ASH1L: variants seen among roughly 807,000 people sequenced by gnomAD.
ASH1L encodes ASH1 like histone lysine methyltransferase, also known as histone-lysine N-methyltransferase ASH1L.
A neutral mutation model predicts 269.0 loss-of-function variants in ASH1L; 23 were observed. The observed-to-expected ratio is 0.09, with a 90% CI of 0.06 to 0.12. The LOEUF is 0.12. Ranked by LOEUF, ASH1L falls within the 10% of genes least tolerant of loss-of-function variation. The pLI, the probability that ASH1L is intolerant of heterozygous loss-of-function variation, is 1.00. For synonymous variants in ASH1L, 1,187 were observed against 1,253.5 expected, an observed-to-expected ratio of 0.95 and a Z score of 1.12; for missense variants, 2,912 against 3,567.8, an observed-to-expected ratio of 0.82 and a Z score of 4.68.
Position 155,434,826 on chromosome 1 carries a change from G to A in ASH1L, c.5828+3501C>T, listed in dbSNP as rs1262461002. ...AGATTGTGCCACTGTATACCAGCCT[G>A]GGCGACAGAGCGAGACTCCGTCTCA... is the stretch of plus-strand genomic sequence containing the variant. On this transcript the variant is annotated intron_variant, in intron 5 of 27. Coordinates refer to ENST00000392403, the MANE Select transcript of ASH1L (RefSeq NM_018489.3). Among the ~76,000 whole-genome samples, 4 of 152,130 alleles carry A rather than the reference G, an allele frequency of 2.6e-5. No homozygotes were observed. In the East Asian group the frequency reaches 7.7e-4, roughly 29 times the overall value.
intron 2 of ASH1L, among the ~76,000 whole-genome samples, chr1:155,491,271 C>A (rs1274571295): frequency 9.2e-5 from 14 of 152,062 alleles, no homozygotes; most frequent in Admixed American, 6.6e-5. Flanking sequence ...AAATCTTAAA[C>A]AAAAGGTTTT....
At chr1:155,507,382 A>T (rs1667884067) in intron 2 of ASH1L, among the ~76,000 whole-genome samples, 1 of 152,234 alleles carries the variant, frequency 6.6e-6, no homozygotes, top group Non-Finnish European at 1.5e-5. Context: ...TCTAAACAGA[A>T]AACCATTTTT....
chr1:155,486,588 T>G (rs1422011515), intron 2 of ASH1L, among the ~76,000 whole-genome samples: 1 of 152,088 alleles, frequency 6.6e-6, no homozygotes, highest in African/African-American at 2.4e-5. Context: ...AGGGGATGAA[T>G]ACCTCATTCT....
chr1:155,465,556 G>A (rs1337019838), intron 3 of ASH1L, among the ~76,000 whole-genome samples: 1 of 152,142 alleles, frequency 6.6e-6, no homozygotes, highest in Non-Finnish European at 1.5e-5. Context: ...AGAATGCTAT[G>A]CAGTAGTCAG....
At chr1:155,562,841 C>A (rs958371395), upstream of ASH1L, 3 of 501,570 alleles carry the variant, frequency 6.0e-6, no homozygotes, top group African/African-American at 3.9e-5. Flanking sequence ...TCTCCTCCCC[C>A]CCCTTCCCCG....
At chr1:155,442,460 T>G (rs993886715) in intron 4 of ASH1L, among the ~76,000 whole-genome samples, 9 of 151,618 alleles carry the variant, frequency 5.9e-5, no homozygotes, top group Non-Finnish European at 8.8e-5. Context: ...GCAGGCGCCT[T>G]TAATCCCAGC....
intron 12 of ASH1L, among the ~76,000 whole-genome samples, chr1:155,366,951 C>T (rs1655482069): frequency 6.8e-6 from 1 of 147,996 alleles, no homozygotes; most frequent in Non-Finnish European, 1.5e-5. Context: ...GCTGAGATTA[C>T]AGGCGTGAGC....
Position 155,343,422 on chromosome 1 carries a change from G to A in ASH1L, c.8185C>T (p.Arg2729Cys). 3 of 1,614,148 alleles carry A rather than the reference G, an allele frequency of 1.9e-6. No individual in the cohort carries two copies. Among genetic ancestry groups the A allele is most frequent in the Non-Finnish European group, 1.7e-6 (2 of 1,180,034 alleles). The change falls in exon 24 of 28, where the codon CGT becomes TGT. Residue 2729 changes from arginine (R) to cysteine (C), a missense_variant. By Grantham distance (180) the Arg-to-Cys change is radical. This residue lies in a region of ASH1L where 179 missense variants were observed against 293.8 expected (regional missense o/e 0.61). Coordinates refer to ENST00000392403, the MANE Select transcript of ASH1L (RefSeq NM_018489.3). The surrounding 1 kb of genome is among the most constrained non-coding windows in gnomAD (Gnocchi z 6.1). ...AATAGTTCATTATGATAGAACCGAC[G>A]GGATGGAGAGTGGTGTGTTTCGTGG... ...RPHETHHSPS[R>C]RFYHNELFRV...
At chr1:155,340,740 T>C (rs374363908) in intron 25 of ASH1L, among the ~76,000 whole-genome samples, 3 of 151,998 alleles carry the variant, frequency 2.0e-5, no homozygotes, top group East Asian at 3.9e-4. Context: ...TAGTGGAGTA[T>C]ATATATAACT....
intron 2 of ASH1L, among the ~76,000 whole-genome samples, chr1:155,509,956 A>G (rs1189949421): frequency 6.6e-6 from 1 of 152,242 alleles, no homozygotes; most frequent in Non-Finnish European, 1.5e-5. Context: ...GCAAAACAAC[A>G]TAAGGAAATC....
chr1:155,371,885 G>C (rs1298268302), intron 10 of ASH1L, among the ~76,000 whole-genome samples: 1 of 151,898 alleles, frequency 6.6e-6, no homozygotes, highest in Non-Finnish European at 1.5e-5. Flanking sequence ...GTAGAGACAG[G>C]GTTTTACCAT....
intron 3 of ASH1L, among the ~76,000 whole-genome samples, chr1:155,462,575 A>G (rs1273670186): frequency 1.3e-5 from 2 of 152,184 alleles, no homozygotes; most frequent in South Asian, 4.1e-4. Flanking sequence ...TATTGGCAGC[A>G]TTATTGGCAG....
chr1:155,455,023 G>GTGAAACACTA (rs1663775195), intron 4 of ASH1L, among the ~76,000 whole-genome samples: 1 of 152,070 alleles, frequency 6.6e-6, no homozygotes, highest in Non-Finnish European at 1.5e-5. Flanking sequence ...AAATGATTCT[G>GTGAAACACTA]TGAAACACTA....
rs566657231 is a variant in ASH1L at position 155,491,379 on chromosome 1, G to T, written c.421-8930C>A. Among the ~76,000 whole-genome samples, 96 of 152,086 alleles carry T rather than the reference G, an allele frequency of 6.3e-4. 3 individuals carry two copies. In the South Asian group the frequency reaches 0.019, roughly 30 times the overall value. ...GCCTCCCAAAGTGCTAGGACTACAG[G>T]TATGAGCCACTGTGCCTGGCCAAAA... On this transcript the variant is annotated intron_variant, in intron 2 of 27. Coordinates refer to ENST00000392403, the MANE Select transcript of ASH1L (RefSeq NM_018489.3).
At chr1:155,404,236 TCC>T (rs2148506714) in intron 6 of ASH1L, among the ~76,000 whole-genome samples, 1 of 151,940 alleles carries the variant, frequency 6.6e-6, no homozygotes, top group South Asian at 2.1e-4. Flanking sequence ...GTACCTGTAG[TCC>T]CAGCTACTGG....
chr1:155,500,113 G>A (rs1667409593), intron 2 of ASH1L, among the ~76,000 whole-genome samples: 1 of 152,188 alleles, frequency 6.6e-6, no homozygotes, highest in African/African-American at 2.4e-5. Context: ...CCAATGGCAG[G>A]GATTTGCTTT....
intron 5 of ASH1L, among the ~76,000 whole-genome samples, chr1:155,425,990 G>A (rs1426324187): frequency 1.3e-5 from 2 of 151,704 alleles, no homozygotes; most frequent in Admixed American, 6.6e-5. Flanking sequence ...CTGGGTTCAC[G>A]CCATTCTCCT....
At chr1:155,384,500 A>AT (rs1657248672) in intron 7 of ASH1L, among the ~76,000 whole-genome samples, 1 of 149,802 alleles carries the variant, frequency 6.7e-6, no homozygotes, top group Non-Finnish European at 1.5e-5. Flanking sequence ...TGTTTTTTTT[A>AT]TTTTTTCTGA....
At chr1:155,390,928 C>T (rs1178269529) in intron 7 of ASH1L, among the ~76,000 whole-genome samples, 14 of 151,018 alleles carry the variant, frequency 9.3e-5, no homozygotes, top group Admixed American at 6.6e-5. Flanking sequence ...GGATTATAGG[C>T]GTGAGCCACC....
Sources: gnomAD v4.1 joint callset for allele counts (sites outside exome capture counted in the v4.1 genomes callset) on GRCh38, gnomAD v4.1.1 for gene constraint, gnomAD v4.1.1 regional missense constraint, Gnocchi (gnomAD v3.1) non-coding constraint, MANE v1.5 for transcripts, NCBI Gene and HGNC (gene_info 2026-07-23, HGNC 2026-07-21) for gene names.